The following GALK2 variants were observed in gnomAD, a reference collection of about 807,000 sequenced individuals.
The protein encoded by GALK2 is N-acetylgalactosamine kinase.
Under a neutral mutation model 52.4 loss-of-function variants are expected in GALK2, and 36 were observed. That is an observed-to-expected ratio of 0.69 (90% confidence interval 0.53 to 0.91). The LOEUF (loss-of-function observed/expected upper bound fraction) is 0.91. Ranked by LOEUF, GALK2 falls within the 40% of genes least tolerant of loss-of-function variation. GALK2 has a pLI of 0.00. For missense variants in GALK2, 579 were observed against 559.1 expected, an observed-to-expected ratio of 1.04 and a Z score of -0.36; for synonymous variants, 176 against 199.1, an observed-to-expected ratio of 0.88 and a Z score of 0.98.
intron 2 of GALK2, among the ~76,000 whole-genome samples, chr15:49,212,348 C>T (rs2088987328): frequency 6.6e-6 from 1 of 152,038 alleles, no homozygotes; most frequent in Non-Finnish European, 1.5e-5. Flanking sequence ...ACCTTGGCCT[C>T]CCCTCCCAAA....
At chr15:49,309,186 G>A (rs1193354218) in intron 8 of GALK2, among the ~76,000 whole-genome samples, 3 of 152,142 alleles carry the variant, frequency 2.0e-5, no homozygotes, top group African/African-American at 7.2e-5. Context: ...GTTCTTCACT[G>A]GCTGCTTCCC....
At chr15:49,361,949 G>C (rs1412489264) in intron 3 of GALK2, among the ~76,000 whole-genome samples, 1 of 152,148 alleles carries the variant, frequency 6.6e-6, no homozygotes, top group African/African-American at 2.4e-5. Context: ...TAACTGGTCT[G>C]AGATGGTATC....
intron 5 of GALK2, among the ~76,000 whole-genome samples, chr15:49,272,977 C>G (rs565355783): frequency 6.6e-5 from 10 of 152,292 alleles, no homozygotes; most frequent in African/African-American, 2.4e-4. Context: ...TGTGCTTCTG[C>G]CCTCACTGAG....
At chr15:49,260,652 C>T (rs1319684712) in intron 5 of GALK2, among the ~76,000 whole-genome samples, 12 of 148,808 alleles carry the variant, frequency 8.1e-5, no homozygotes, top group African/African-American at 2.7e-4. Context: ...ATGCCTATGT[C>T]CTGAATGGTA....
intron 7 of GALK2, among the ~76,000 whole-genome samples, chr15:49,287,813 T>A (rs965914655): frequency 2.0e-5 from 3 of 152,232 alleles, no homozygotes; most frequent in Non-Finnish European, 4.4e-5. Context: ...AGATCCTTTT[T>A]TGAAAATGAG....
At chr15:49,264,359 C>T (rs893191113) in intron 5 of GALK2, among the ~76,000 whole-genome samples, 3 of 152,206 alleles carry the variant, frequency 2.0e-5, no homozygotes, top group African/African-American at 7.2e-5. Flanking sequence ...CAGTTGATCG[C>T]ATCGGCTCCT....
chr15:49,186,237 A>G (rs1182946072), intron 1 of GALK2, among the ~76,000 whole-genome samples: 1 of 152,106 alleles, frequency 6.6e-6, no homozygotes, highest in Admixed American at 6.5e-5. Flanking sequence ...TCAGGCCAAT[A>G]AATCTTAGAC....
intron 7 of GALK2, among the ~76,000 whole-genome samples, chr15:49,286,937 C>G (rs1353364085): frequency 1.3e-5 from 2 of 152,158 alleles, no homozygotes; most frequent in African/African-American, 4.8e-5. Flanking sequence ...CATAGGTGAG[C>G]TGAAACAAGT....
chr15:49,272,518 T>C (rs992975560), intron 5 of GALK2, among the ~76,000 whole-genome samples: 1 of 152,166 alleles, frequency 6.6e-6, no homozygotes, highest in Non-Finnish European at 1.5e-5. Flanking sequence ...GTTTAACCAG[T>C]TCCCGGGTGA....
intron 9 of GALK2, among the ~76,000 whole-genome samples, chr15:49,322,563 A>C (rs1399355055): frequency 6.6e-6 from 1 of 152,206 alleles, no homozygotes; most frequent in Non-Finnish European, 1.5e-5. Context: ...AATTAAGTTG[A>C]TGCAGGCATT....
At chr15:49,168,821 T>C (rs1425632396), upstream of GALK2, among the ~76,000 whole-genome samples, 1 of 151,916 alleles carries the variant, frequency 6.6e-6, no homozygotes, top group Non-Finnish European at 1.5e-5. Flanking sequence ...TAAAACTATT[T>C]ACAAGTGACA....
chr15:49,156,640 T>C, intron 1 of GALK2: 2 of 522,634 alleles, frequency 3.8e-6, no homozygotes, highest in Non-Finnish European at 7.6e-6. Flanking sequence ...TGATAAATAT[T>C]AAGAGCATTC....
chr15:49,252,762 C>T lies in GALK2; in HGVS notation c.504+13395C>T, dbSNP rs79363305. Among the ~76,000 whole-genome samples the T allele has an allele frequency of 4.2e-3, 477 of 113,280 alleles. 36 individuals carry two copies. Among genetic ancestry groups the T allele is most frequent in the African/African-American group, 0.013 (450 of 34,944 alleles). 74.3% of individuals were successfully genotyped at this position (113,280 alleles called of 152,430 possible). ...TACTTTTGAAATACACTGCCCAATC[C>T]GGAAAGATTTTACCAGCAATGCAGC... On this transcript the variant is annotated intron_variant, in intron 5 of 9. Coordinates refer to ENST00000560031, the MANE Select transcript of GALK2 (RefSeq NM_002044.4).
intron 3 of GALK2, among the ~76,000 whole-genome samples, chr15:49,357,750 A>G (rs2043426297): frequency 6.6e-6 from 1 of 152,182 alleles, no homozygotes; most frequent in African/African-American, 2.4e-5. Flanking sequence ...GGCCAGCATC[A>G]TTCTGATACC....
At chr15:49,231,009 G>GT (rs756529137) in intron 3 of GALK2, among the ~76,000 whole-genome samples, 79 of 151,394 alleles carry the variant, frequency 5.2e-4, no homozygotes, top group Non-Finnish European at 9.7e-4. Context: ...GTTTTTTTTT[G>GT]TTTTTTTCTG....
chr15:49,182,430 A>G (rs1186674174), intron 1 of GALK2, among the ~76,000 whole-genome samples: 2 of 152,192 alleles, frequency 1.3e-5, no homozygotes, highest in African/African-American at 4.8e-5. Context: ...AATCTTGGCT[A>G]TTGTAAATGG....
At chr15:49,355,828 G>A (rs1390590532) in intron 3 of GALK2, among the ~76,000 whole-genome samples, 1 of 152,008 alleles carries the variant, frequency 6.6e-6, no homozygotes, top group Non-Finnish European at 1.5e-5. Flanking sequence ...AAATGTTAAG[G>A]GCAGCTAGAG....
chr15:49,297,430 G>A (rs576340319), intron 8 of GALK2, among the ~76,000 whole-genome samples: 90 of 152,102 alleles, frequency 5.9e-4, no homozygotes, highest in African/African-American at 2.1e-3. Context: ...AAGCTCTTTA[G>A]TTTATGTCTC....
intron 3 of GALK2, among the ~76,000 whole-genome samples, chr15:49,349,677 C>T (rs2041981936): frequency 2.6e-5 from 4 of 152,110 alleles, no homozygotes; most frequent in Admixed American, 2.6e-4. Flanking sequence ...AATATTCTAA[C>T]TGTAAAAAGG....
Sources: allele counts gnomAD v4.1 joint callset (sites outside exome capture counted in the v4.1 genomes callset), GRCh38; gene constraint gnomAD v4.1.1; transcripts MANE v1.5; gene names NCBI Gene and HGNC (gene_info 2026-07-23, HGNC 2026-07-21).